The following HMG20A variants were observed in gnomAD, a reference collection of about 807,000 sequenced individuals.
HMG20A encodes high mobility group protein 20A.
Under a neutral mutation model 43.9 loss-of-function variants are expected in HMG20A, and 17 were observed. The observed-to-expected ratio is 0.39, with a 90% CI of 0.27 to 0.58. HMG20A has a LOEUF of 0.58. Ranked by LOEUF, HMG20A falls within the 20% of genes least tolerant of loss-of-function variation. HMG20A has a pLI of 0.59. For synonymous variants in HMG20A, 132 were observed against 147.5 expected (o/e 0.89, Z 0.76); for missense variants, 341 against 438.2 (o/e 0.78, Z 1.98).
chr15:77,478,188 G>T (rs2072873447), intron 7 of HMG20A, 107 bp from the exon 8 acceptor site: 2 of 1,008,482 alleles, frequency 2.0e-6, no homozygotes, highest in Non-Finnish European at 3.1e-6. Context: ...ATGAGGTGGG[G>T]TAGCTAAATT....
the HMG20A span, among the ~76,000 whole-genome samples, chr15:77,504,628 G>A: frequency 6.6e-6 from 1 of 152,194 alleles, no homozygotes; most frequent in Admixed American, 6.5e-5. Flanking sequence ...GCAAATACCA[G>A]CAGTCCTGGG....
chr15:77,430,259 A>G (rs1480324910), intron 1 of HMG20A, among the ~76,000 whole-genome samples: 1 of 152,240 alleles, frequency 6.6e-6, no homozygotes, highest in Non-Finnish European at 1.5e-5. Flanking sequence ...GAAACTTCAA[A>G]TGTTTAAATA....
At chr15:77,443,743 T>C (rs1288591819) in intron 1 of HMG20A, among the ~76,000 whole-genome samples, 1 of 152,056 alleles carries the variant, frequency 6.6e-6, no homozygotes, top group East Asian at 1.9e-4. Context: ...TCTCACTGTG[T>C]CACCTAGGCT....
intron 1 of HMG20A, among the ~76,000 whole-genome samples, chr15:77,438,948 G>A (rs879833491): frequency 8.6e-5 from 13 of 151,924 alleles, no homozygotes; most frequent in Admixed American, 7.9e-4. Flanking sequence ...CTGTCACCAC[G>A]CCCGGCTAAT....
the HMG20A span, among the ~76,000 whole-genome samples, chr15:77,498,028 A>G: frequency 1.3e-5 from 2 of 152,082 alleles, no homozygotes; most frequent in Admixed American, 1.3e-4. Flanking sequence ...GAAATAGGAA[A>G]ATCATTTGAC....
In HMG20A at chr15:77,483,197, C is replaced by G. The variant is rs1014034697; in HGVS notation, c.*234C>G. On this transcript the variant is annotated 3_prime_UTR_variant, in exon 10 of 10. Transcript: ENST00000336216. The stretch of plus-strand genomic sequence containing the variant: ...CCTTATGTGAAGCTTTGAAGGTGTA[C>G]AGCCACTCTCCCGGGTCTTCAGGTT... The G allele has an allele frequency of 6.6e-6, 1 of 152,324 alleles. No homozygotes were observed. The highest frequency in any genetic ancestry group is 2.1e-4 in the South Asian group (1 of 4,816). The allele number at this position is 152,324 out of a possible 1,614,324, so 9.4% of individuals were successfully genotyped here. A position where few individuals can be genotyped will look rare whatever the true frequency, so the allele number is the denominator to read the frequency against.
At chr15:77,508,801 T>C in the HMG20A span, among the ~76,000 whole-genome samples, 1 of 152,268 alleles carries the variant, frequency 6.6e-6, no homozygotes, top group African/African-American at 2.4e-5. Flanking sequence ...CCCAGAATGC[T>C]GTAAGACTTC....
the HMG20A span, among the ~76,000 whole-genome samples, chr15:77,505,288 C>T: frequency 3.9e-5 from 6 of 152,324 alleles, no homozygotes; most frequent in East Asian, 3.9e-4. Context: ...TTTCCAGGTT[C>T]GAGGTAAAGG....
At chr15:77,476,185 T>C (rs533107137) in intron 6 of HMG20A, among the ~76,000 whole-genome samples, 1 of 152,124 alleles carries the variant, frequency 6.6e-6, no homozygotes, top group African/African-American at 2.4e-5. Context: ...TTCAAAGATT[T>C]AAAAAACTAG....
At chr15:77,496,265 A>G in the HMG20A span, among the ~76,000 whole-genome samples, 1 of 152,250 alleles carries the variant, frequency 6.6e-6, no homozygotes, top group Non-Finnish European at 1.5e-5. Flanking sequence ...AAAAGAATGT[A>G]ACATATTTCT....
chr15:77,481,866 C>T (rs1407627606), intron 9 of HMG20A, among the ~76,000 whole-genome samples: 7 of 152,134 alleles, frequency 4.6e-5, no homozygotes, highest in Non-Finnish European at 7.3e-5. Context: ...GTACAGACAG[C>T]GAGGCTGATG....
At chr15:77,497,682 A>AGAGAGAGAGAGAGT in the HMG20A span, among the ~76,000 whole-genome samples, 21 of 119,084 alleles carry the variant, frequency 1.8e-4, no homozygotes, top group African/African-American at 6.7e-4. Context: ...AGAGAGAGAG[A>AGAGAGAGAGAGAGT]GTGTGTGTGT....
the HMG20A span, among the ~76,000 whole-genome samples, chr15:77,520,004 T>A: frequency 6.6e-6 from 1 of 152,058 alleles, no homozygotes; most frequent in Non-Finnish European, 1.5e-5. Flanking sequence ...ATTGAGATCA[T>A]CCTGGCTAAC....
chr15:77,450,048 T>G (rs1475582627), intron 1 of HMG20A, among the ~76,000 whole-genome samples: 1 of 152,228 alleles, frequency 6.6e-6, no homozygotes, highest in African/African-American at 2.4e-5. Flanking sequence ...ACATATGGGT[T>G]GAGTTTCCCT....
At chr15:77,468,470 CTT>C (rs1430040988) in intron 4 of HMG20A, among the ~76,000 whole-genome samples, 1 of 152,072 alleles carries the variant, frequency 6.6e-6, no homozygotes, top group Non-Finnish European at 1.5e-5. Flanking sequence ...TCCCAACACT[CTT>C]TACCCAGATT....
At chr15:77,491,341 T>C in the HMG20A span, among the ~76,000 whole-genome samples, 54 of 152,368 alleles carry the variant, frequency 3.5e-4, no homozygotes, top group Middle Eastern at 3.4e-3. Context: ...GTCCAGGCAC[T>C]GGAATGTAAG....
intron 9 of HMG20A, 92 bp from the exon 10 acceptor site, chr15:77,482,878 C>T (rs1374420563): frequency 5.3e-5 from 8 of 152,236 alleles, no homozygotes; most frequent in Admixed American, 4.6e-4. Flanking sequence ...AAATCCATAG[C>T]GCTAACCCCT....
downstream of HMG20A, among the ~76,000 whole-genome samples, chr15:77,485,995 T>C (rs534044862): frequency 6.6e-6 from 1 of 152,400 alleles, no homozygotes; most frequent in African/African-American, 2.4e-5. Context: ...CTTTGTCAAC[T>C]CTACATTAAT....
At chr15:77,471,616 C>T (rs1314240711) in intron 5 of HMG20A, among the ~76,000 whole-genome samples, 167 bp from the exon 6 acceptor site, 1 of 152,080 alleles carries the variant, frequency 6.6e-6, no homozygotes, top group East Asian at 1.9e-4. Context: ...ATGGGGTTCC[C>T]TTACTTTTGT....
Sources: allele counts gnomAD v4.1 joint callset (sites outside exome capture counted in the v4.1 genomes callset), GRCh38; gene constraint gnomAD v4.1.1; transcripts MANE v1.5; gene names NCBI Gene and HGNC (gene_info 2026-07-23, HGNC 2026-07-21).